TJP3: variants seen among roughly 807,000 people sequenced by gnomAD.
The protein encoded by TJP3 is tight junction protein 3, also known as tight junction protein ZO-3.
Under a neutral mutation model 104.2 loss-of-function variants are expected in TJP3, and 85 were observed. The ratio of observed to expected loss-of-function variants is 0.82; its 90% CI spans 0.68 to 0.98. The LOEUF (loss-of-function observed/expected upper bound fraction) is 0.98. Among genes scored for constraint, TJP3 ranks in the 50% least tolerant of loss-of-function variants. The pLI is 0.00. For synonymous variants in TJP3, 550 were observed against 550.6 expected (o/e 1.00, Z 0.02); for missense variants, 1,367 against 1,322.8 (o/e 1.03, Z -0.52).
intron 1 of TJP3, chr19:3,721,903 G>A: frequency 8.2e-7 from 1 of 1,224,974 alleles, no homozygotes; most frequent in South Asian, 4.1e-5. Flanking sequence ...ATGGCGGTGA[G>A]ATTCCAGGCG....
chr19:3,746,906 G>T lies in TJP3; in HGVS notation c.2322+30G>T. 6.4e-7 allele frequency: 1 copy of T among 1,555,924 alleles called. No homozygotes were observed. The highest frequency in any genetic ancestry group is 1.2e-5 in the South Asian group (1 of 85,490). ...TGCCGCGGTGTGGGTGGGTCGGGCA[G>T]GGAGGCCCCACAGACGCTGTGCAGG... On this transcript the variant is annotated intron_variant, in intron 18 of 20. Coordinates refer to ENST00000541714, the MANE Select transcript of TJP3 (RefSeq NM_001267560.2). The surrounding 1 kb of genome is among the most constrained non-coding windows in gnomAD (Gnocchi z 4.1).
chr19:3,732,869 TC>T (rs1435428937), intron 6 of TJP3, among the ~76,000 whole-genome samples: 1 of 152,046 alleles, frequency 6.6e-6, no homozygotes, highest in Admixed American at 6.6e-5. Context: ...GGTCTCGAAC[TC>T]CCGACCTCAG....
chr19:3,729,876 G>A (rs952574348), intron 3 of TJP3, 152 bp from the exon 4 acceptor site: 1 of 636,522 alleles, frequency 1.6e-6, no homozygotes, highest in Non-Finnish European at 2.8e-6. Flanking sequence ...GGCCCAGAAG[G>A]ATAAATGTCT....
At chr19:3,736,000 A>C in intron 10 of TJP3, 65 bp downstream of exon 10, 2 of 1,602,464 alleles carry the variant, frequency 1.2e-6, no homozygotes, top group Non-Finnish European at 1.7e-6. Context: ...CTCCCTCATC[A>C]GCGCAATCCT....
intron 1 of TJP3, among the ~76,000 whole-genome samples, chr19:3,727,577 CT>C (rs2036613829): frequency 6.6e-6 from 1 of 151,888 alleles, no homozygotes; most frequent in South Asian, 2.1e-4. Context: ...TCAGCAAATC[CT>C]TCTTGAATCC....
chr19:3,727,613 A>T (rs1209000993), intron 1 of TJP3, among the ~76,000 whole-genome samples: 1 of 152,084 alleles, frequency 6.6e-6, no homozygotes, highest in Non-Finnish European at 1.5e-5. Context: ...GCGCTGTTCT[A>T]GGCAGGGAAC....
At chr19:3,747,762 G>A (rs1381921545) in intron 18 of TJP3, 32 bp from the exon 19 acceptor site, 1 of 1,522,214 alleles carries the variant, frequency 6.6e-7, no homozygotes, top group East Asian at 2.4e-5. Flanking sequence ...TCCTGGCCAG[G>A]GCCAGCCGCA....
intron 1 of TJP3, 38 bp from the exon 2 acceptor site, chr19:3,728,386 G>A (rs765184232): frequency 6.2e-7 from 1 of 1,614,080 alleles, no homozygotes; most frequent in Admixed American, 1.7e-5. Flanking sequence ...ATGAACCTGT[G>A]TGGCCTCATG....
At chr19:3,732,781 T>C (rs1277783834) in intron 6 of TJP3, among the ~76,000 whole-genome samples, 1 of 152,104 alleles carries the variant, frequency 6.6e-6, no homozygotes. Flanking sequence ...CGTGCTGGGA[T>C]TACAGGCGTG....
At chr19:3,722,317 C>T (rs565593456) in intron 1 of TJP3, among the ~76,000 whole-genome samples, 1 of 152,170 alleles carries the variant, frequency 6.6e-6, no homozygotes, top group South Asian at 2.1e-4. Flanking sequence ...GAGCTTGGCG[C>T]ATCGTAGGTG....
At position 3,738,602 on chromosome 19, in the gene TJP3, G is replaced by A. The variant is rs1200936468; in HGVS notation, c.1332G>A (p.Gln444=). Residue 444 remains glutamine, a synonymous_variant, in exon 12 of 21, where the codon CAG becomes CAA. Transcript: ENST00000541714. ...FQNLTREEAV[Q]FLLGLPPGEE... is the part of the protein sequence containing the mutation. ...ACCTGACACGGGAGGAGGCAGTGCA[G>A]TTCCTGCTGGGGCTGCCACCAGGCG... The A allele has an allele frequency of 1.2e-6, 2 of 1,613,896 alleles. No individual in the cohort carries two copies. Among genetic ancestry groups the A allele is most frequent in the South Asian group, 1.1e-5 (1 of 91,080 alleles).
chr19:3,712,757 C>T (rs1027200766), intron 1 of TJP3, among the ~76,000 whole-genome samples: 2 of 151,712 alleles, frequency 1.3e-5, no homozygotes, highest in African/African-American at 4.8e-5. Context: ...AAGACAGGTC[C>T]GGGCAACATA....
chr19:3,734,041 G>GTGTGGCCTTCAGC, intron 7 of TJP3, 129 bp downstream of exon 7: 4 of 1,279,708 alleles, frequency 3.1e-6, no homozygotes, highest in Non-Finnish European at 3.2e-6. Context: ...GGAACTTGCT[G>GTGTGGCCTTCAGC]AAGGCCACAC....
intron 1 of TJP3, among the ~76,000 whole-genome samples, chr19:3,710,170 G>T (rs1051879140): frequency 6.7e-6 from 1 of 150,080 alleles, no homozygotes; most frequent in Non-Finnish European, 1.5e-5. Flanking sequence ...AAAAAAAAGG[G>T]GTGGGGGGAT....
chr19:3,733,335 T>C (rs4239601), intron 6 of TJP3, among the ~76,000 whole-genome samples: 91,916 of 151,950 alleles, frequency 0.6, 28,283 homozygotes, highest in Admixed American at 0.74. Flanking sequence ...CGCGCCCCAC[T>C]CTAGATATCT....
In TJP3 at chr19:3,740,748, G is replaced by A. The variant is rs2036804957; in HGVS notation, c.1828G>A (p.Val610Met). Reference protein sequence around the residue: ...RQGRYPPYERVVLREASFKRP... With the variant: ...RQGRYPPYERMVLREASFKRP... ...GGGCCGCTACCCGCCCTACGAACGA[G>A]TGGTGTTGCGAGAAGGTGGGGCCCG... is the stretch of plus-strand genomic sequence containing the variant. The change falls in exon 14 of 21, where the codon GTG (valine) becomes ATG (methionine). Residue 610 changes from valine (V) to methionine (M), a missense_variant. By Grantham distance (21) the Val-to-Met change is conservative. Transcript: ENST00000541714. 1 of 1,582,548 alleles carries A rather than the reference G, an allele frequency of 6.3e-7. No homozygotes were observed. The highest frequency in any genetic ancestry group is 1.4e-5 in the African/African-American group (1 of 73,620).
intron 1 of TJP3, among the ~76,000 whole-genome samples, chr19:3,715,932 C>T (rs776346302): frequency 4.0e-5 from 6 of 151,880 alleles, no homozygotes; most frequent in Non-Finnish European, 8.8e-5. Flanking sequence ...GCACCCACCA[C>T]CACACTCGGC....
intron 3 of TJP3, 41 bp from the exon 4 acceptor site, chr19:3,729,987 C>T: frequency 6.3e-7 from 1 of 1,576,618 alleles, no homozygotes. Flanking sequence ...GAGGGTCTCC[C>T]CTGCAAAGCC....
Position 3,715,095 on chromosome 19 carries a change from T to G in TJP3, c.-10+6534T>G, listed in dbSNP as rs113133154. Among the ~76,000 whole-genome samples the G allele has an allele frequency of 4.4e-3, 631 of 142,270 alleles. 8 individuals carry two copies. The highest frequency in any genetic ancestry group is 0.017 in the African/African-American group (612 of 35,118). The allele number at this position is 142,270 out of a possible 152,430, so 93.3% of individuals were successfully genotyped here. On this transcript the variant is annotated intron_variant, in intron 1 of 20. Transcript: ENST00000541714. The stretch of plus-strand genomic sequence containing the variant: ...TTGTTTGTTTGTTTGGTTGGTTGGT[T>G]TTTTTTTTTTTTGAGATGGAGTCTC...
Sources: gnomAD v4.1 joint callset for allele counts (sites outside exome capture counted in the v4.1 genomes callset) on GRCh38, gnomAD v4.1.1 for gene constraint, Gnocchi (gnomAD v3.1) non-coding constraint, MANE v1.5 for transcripts, NCBI Gene and HGNC (gene_info 2026-07-23, HGNC 2026-07-21) for gene names.